Variants in NCOA2 observed in about 807,000 individuals in gnomAD.
NCOA2 encodes class E basic helix-loop-helix protein 75.
A neutral mutation model predicts 145.1 loss-of-function variants in NCOA2; 21 were observed. The ratio of observed to expected loss-of-function variants is 0.14; its 90% CI spans 0.10 to 0.21. NCOA2 has a LOEUF of 0.21. NCOA2 is among the 10% of genes least tolerant of loss of function. The pLI is 1.00. For missense variants in NCOA2, 1,472 were observed against 1,837.6 expected, an observed-to-expected ratio of 0.80 and a Z score of 3.64; for synonymous variants, 619 against 637.5, an observed-to-expected ratio of 0.97 and a Z score of 0.44.
At chr8:70,127,765 G>T (rs548481303) in intron 18 of NCOA2, among the ~76,000 whole-genome samples, 1 of 152,312 alleles carries the variant, frequency 6.6e-6, no homozygotes, top group South Asian at 2.1e-4. Context: ...GAGCACAGTG[G>T]TAAAACATTT....
At chr8:70,439,440 G>C in the NCOA2 span, among the ~76,000 whole-genome samples, 1 of 152,178 alleles carries the variant, frequency 6.6e-6, no homozygotes, top group African/African-American at 2.4e-5. Context: ...ATTTGGGTCT[G>C]ATCAGTCAGA....
At chr8:70,265,668 G>C (rs1228172822) in intron 2 of NCOA2, among the ~76,000 whole-genome samples, 1 of 152,112 alleles carries the variant, frequency 6.6e-6, no homozygotes. Flanking sequence ...TGATGTCAGA[G>C]ACACTCAGTC....
the NCOA2 span, among the ~76,000 whole-genome samples, chr8:70,427,368 A>G: frequency 5.3e-5 from 8 of 152,244 alleles, no homozygotes; most frequent in Admixed American, 1.3e-4. Context: ...AGAGAATTAT[A>G]TCTGAGCATA....
intron 10 of NCOA2, among the ~76,000 whole-genome samples, chr8:70,158,620 C>T (rs963769145): frequency 2.0e-5 from 3 of 152,066 alleles, no homozygotes; most frequent in Non-Finnish European, 4.4e-5. Flanking sequence ...TCAAGGCTGG[C>T]GCATGCCTGT....
At chr8:70,443,375 A>AAAT in the NCOA2 span, among the ~76,000 whole-genome samples, 139 of 152,010 alleles carry the variant, frequency 9.1e-4, no homozygotes, top group Non-Finnish European at 1.8e-3. Flanking sequence ...CCCTGTCGCA[A>AAAT]AATAATAATA....
At chr8:70,140,416 A>G (rs1481270516) in intron 14 of NCOA2, among the ~76,000 whole-genome samples, 1 of 152,084 alleles carries the variant, frequency 6.6e-6, no homozygotes, top group Non-Finnish European at 1.5e-5. Context: ...GTCTCCAAAT[A>G]GAATTCTAGT....
At chr8:70,334,400 A>G (rs1440159469) in intron 1 of NCOA2, among the ~76,000 whole-genome samples, 1 of 152,088 alleles carries the variant, frequency 6.6e-6, no homozygotes, top group Admixed American at 6.6e-5. Flanking sequence ...CTATACCTTT[A>G]TTAGCTCTAC....
chr8:70,127,059 G>A lies in NCOA2; in HGVS notation c.3682-12C>T. The stretch of plus-strand genomic sequence containing the variant: ...GCATTAATAGGTGCCTGAAATCCGG[G>A]GCAACACATGGAGGAAAATGTCGGG... On this transcript the variant is annotated splice_polypyrimidine_tract_variant and intron_variant, in intron 18 of 22. Coordinates refer to ENST00000452400, the MANE Select transcript of NCOA2 (RefSeq NM_006540.4). 6.3e-7 allele frequency: 1 copy of A among 1,576,428 alleles called. No homozygotes were observed. The highest frequency in any genetic ancestry group is 1.8e-5 in the Admixed American group (1 of 57,082).
chr8:70,168,598 C>T (rs112096824), intron 6 of NCOA2, among the ~76,000 whole-genome samples: 1,527 of 152,216 alleles, frequency 0.01, 24 homozygotes, highest in African/African-American at 0.034. Context: ...TGGGATTACA[C>T]GGGTGAGCCA....
chr8:70,435,541 A>ATC, the NCOA2 span, among the ~76,000 whole-genome samples: 3 of 150,758 alleles, frequency 2.0e-5, no homozygotes, highest in African/African-American at 7.3e-5. Context: ...AAGCTACTTA[A>ATC]TCTCTCTGTT....
At chr8:70,193,359 A>C (rs1816900632) in intron 4 of NCOA2, among the ~76,000 whole-genome samples, 1 of 152,186 alleles carries the variant, frequency 6.6e-6, no homozygotes, top group Non-Finnish European at 1.5e-5. Context: ...TAAATCTCAG[A>C]AAAAGAAAAG....
chr8:70,359,459 A>C (rs1810020836), intron 1 of NCOA2, among the ~76,000 whole-genome samples: 1 of 152,218 alleles, frequency 6.6e-6, no homozygotes, highest in Non-Finnish European at 1.5e-5. Flanking sequence ...TAAGAAAAAG[A>C]AACAAGGTAC....
chr8:70,250,680 A>G (rs531839850), intron 2 of NCOA2, among the ~76,000 whole-genome samples: 1 of 152,222 alleles, frequency 6.6e-6, no homozygotes, highest in East Asian at 1.9e-4. Context: ...AACAGAGTCC[A>G]CTGTTCCAAA....
At chr8:70,421,537 A>G in the NCOA2 span, among the ~76,000 whole-genome samples, 1 of 152,180 alleles carries the variant, frequency 6.6e-6, no homozygotes, top group African/African-American at 2.4e-5. Flanking sequence ...AAGCCTGGGT[A>G]ACAGAGTGAG....
rs963894007 is a variant in NCOA2, at chr8:70,246,810, T to G, written c.-19-30046A>C. ...TACCTCATATAAGTGGAATCATACA[T>G]TAATTTTCTTTTGTGTGTAGATACT... is the stretch of plus-strand genomic sequence containing the variant. On this transcript the variant is annotated intron_variant, in intron 2 of 22. Transcript: ENST00000452400. 6.6e-5 allele frequency among the ~76,000 whole-genome samples: 10 copies of G among 152,160 alleles called. No homozygotes were observed. The South Asian group carries it at 2.1e-3, about 31-fold the overall frequency.
intron 1 of NCOA2, among the ~76,000 whole-genome samples, chr8:70,389,041 C>T (rs886766924): frequency 6.6e-6 from 1 of 152,110 alleles, no homozygotes; most frequent in Admixed American, 6.5e-5. Flanking sequence ...AAAAACAGAA[C>T]CAAGCAAGAG....
chr8:70,264,323 G>T (rs2135131203), intron 2 of NCOA2, among the ~76,000 whole-genome samples: 1 of 152,120 alleles, frequency 6.6e-6, no homozygotes, highest in East Asian at 1.9e-4. Flanking sequence ...TTTCAGACCA[G>T]TCTGGGCAAT....
Position 70,218,287 on chromosome 8 carries a change from A to G in NCOA2, c.-19-1523T>C, listed in dbSNP as rs187536349. On this transcript the variant is annotated intron_variant, in intron 2 of 22. Coordinates refer to ENST00000452400, the MANE Select transcript of NCOA2 (RefSeq NM_006540.4). Reference sequence around the variant, plus strand: ...TAGGGAGGCTGCACCACTGGTACACATTTGATTCAAGAGGTGACACAGAAG... The same window carrying G: ...TAGGGAGGCTGCACCACTGGTACACGTTTGATTCAAGAGGTGACACAGAAG... Among the ~76,000 whole-genome samples the G allele has an allele frequency of 1.8e-3, 274 of 151,298 alleles. 1 individual carries two copies. Among genetic ancestry groups the G allele is most frequent in the African/African-American group, 6.5e-3 (266 of 41,084 alleles).
chr8:70,351,686 A>G (rs1809243843), intron 1 of NCOA2, among the ~76,000 whole-genome samples: 1 of 149,708 alleles, frequency 6.7e-6, no homozygotes, highest in African/African-American at 2.5e-5. Flanking sequence ...CCTAGGCTCC[A>G]GCAATCCCCC....
Sources: allele counts gnomAD v4.1 joint callset (sites outside exome capture counted in the v4.1 genomes callset), GRCh38; gene constraint gnomAD v4.1.1; transcripts MANE v1.5; gene names NCBI Gene and HGNC (gene_info 2026-07-23, HGNC 2026-07-21).